The following TG variants were observed in gnomAD, a reference collection of about 807,000 sequenced individuals.
The protein encoded by TG is thyroid hormones.
In TG, 270 loss-of-function variants were observed where a neutral mutation model predicts 324.7. The ratio of observed to expected loss-of-function variants is 0.83; its 90% CI spans 0.75 to 0.92. The LOEUF is 0.92. Among genes scored for constraint, TG ranks in the 40% least tolerant of loss-of-function variants. The pLI is 0.00. For missense variants in TG, 3,591 were observed against 3,456.4 expected (o/e 1.04, Z -0.98); for synonymous variants, 1,401 against 1,327.0 (o/e 1.06, Z -1.21).
intron 41 of TG, chr8:133,048,862 C>A (rs1005741815): frequency 1.4e-4 from 26 of 184,278 alleles, no homozygotes; most frequent in Admixed American, 5.6e-5. Context: ...ATTAAACTCG[C>A]AGAATTCCAG....
At chr8:133,046,923 CAGAT>C (rs992334500) in intron 41 of TG, among the ~76,000 whole-genome samples, 1 of 152,214 alleles carries the variant, frequency 6.6e-6, no homozygotes, top group Non-Finnish European at 1.5e-5. Flanking sequence ...GAAGTACTCT[CAGAT>C]AGTGTGTTTT....
intron 21 of TG, among the ~76,000 whole-genome samples, chr8:132,921,942 G>A (rs904940128): frequency 3.3e-5 from 5 of 152,160 alleles, no homozygotes; most frequent in Non-Finnish European, 7.4e-5. Context: ...TCTCTGGGCT[G>A]CCATAAAATA....
chr8:133,047,986 AAGGC>A, intron 41 of TG: 1 of 1,149,224 alleles, frequency 8.7e-7, no homozygotes, highest in Non-Finnish European at 1.3e-6. Flanking sequence ...TCCCCCAGGA[AAGGC>A]AGGAATGCGC....
chr8:132,951,599 G>GT (rs957893628), intron 27 of TG, among the ~76,000 whole-genome samples: 2 of 152,100 alleles, frequency 1.3e-5, no homozygotes, highest in Non-Finnish European at 2.9e-5. Flanking sequence ...TGAAATGTTT[G>GT]TTTTTTTCAG....
chr8:132,881,061 A>G (rs1259163456), intron 5 of TG, among the ~76,000 whole-genome samples: 1 of 152,238 alleles, frequency 6.6e-6, no homozygotes, highest in East Asian at 1.9e-4. Flanking sequence ...TATATTAGTT[A>G]TATAGTTATA....
chr8:132,943,774 G>A (rs954669905), intron 26 of TG, among the ~76,000 whole-genome samples: 6 of 152,116 alleles, frequency 3.9e-5, no homozygotes, highest in African/African-American at 1.4e-4. Flanking sequence ...GTCACCAGGG[G>A]CATCTTCTGA....
At position 133,029,935 on chromosome 8, in the gene TG, C is replaced by G. The variant is rs1322445352; in HGVS notation, c.7151C>G (p.Ala2384Gly). The change falls in exon 41 of 48, where the codon GCA (alanine) becomes GGA (glycine). Residue 2384 changes from alanine (A) to glycine (G), a missense_variant. By Grantham distance (60) the Ala-to-Gly change is moderately conservative. Coordinates refer to ENST00000220616, the MANE Select transcript of TG (RefSeq NM_003235.5). ...GACCCTCGGCGCGTGTCCCTGGCAG[C>G]AGACCGTGGCGGGGCTGATGTGGCC... is the stretch of plus-strand genomic sequence containing the variant. ...GGDPRRVSLA[A>G]DRGGADVASI... The G allele has an allele frequency of 6.2e-7, 1 of 1,614,108 alleles. No individual in the cohort carries two copies. Among genetic ancestry groups the G allele is most frequent in the African/African-American group, 1.3e-5 (1 of 74,944 alleles).
chr8:133,052,944 T>G (rs1242668932), intron 41 of TG, among the ~76,000 whole-genome samples: 1 of 152,162 alleles, frequency 6.6e-6, no homozygotes, highest in African/African-American at 2.4e-5. Flanking sequence ...ACCTTCAAGA[T>G]GGAAATCTAT....
chr8:133,073,620 G>A (rs1564154582), intron 41 of TG, among the ~76,000 whole-genome samples: 1 of 152,102 alleles, frequency 6.6e-6, no homozygotes, highest in Non-Finnish European at 1.5e-5. Flanking sequence ...TCCACTTTTC[G>A]AAGGACCACA....
chr8:133,055,351 A>G (rs1564126140), intron 41 of TG, among the ~76,000 whole-genome samples: 57 of 82,088 alleles, frequency 6.9e-4, no homozygotes, highest in Non-Finnish European at 8.1e-4. Context: ...TTCAGGACAC[A>G]CACACGCACG....
chr8:133,052,303 C>G (rs1325143971), intron 41 of TG, among the ~76,000 whole-genome samples: 3 of 152,206 alleles, frequency 2.0e-5, no homozygotes. Context: ...CACGGTGGAA[C>G]AGTGCAGTCA....
intron 45 of TG, among the ~76,000 whole-genome samples, chr8:133,126,615 T>C (rs1283975078): frequency 1.3e-5 from 2 of 152,088 alleles, no homozygotes; most frequent in Non-Finnish European, 2.9e-5. Context: ...TCAGGGAGCT[T>C]ATTTTTAAAG....
intron 41 of TG, chr8:133,049,685 CT>C: frequency 1.8e-6 from 1 of 552,310 alleles, no homozygotes; most frequent in Non-Finnish European, 3.3e-6. Flanking sequence ...GTCCAACTTC[CT>C]TCATTTTACT....
chr8:132,992,135 G>T (rs1204061664), intron 35 of TG, among the ~76,000 whole-genome samples: 2 of 152,084 alleles, frequency 1.3e-5, no homozygotes, highest in Admixed American at 6.5e-5. Flanking sequence ...ACAAGCATTT[G>T]GTGGGTACCT....
At chr8:132,957,770 C>CACACACACACACACACAG (rs1554680156) in intron 27 of TG, among the ~76,000 whole-genome samples, 1 of 149,804 alleles carries the variant, frequency 6.7e-6, no homozygotes, top group Non-Finnish European at 1.5e-5. Flanking sequence ...CACACACACA[C>CACACACACACACACACAG]ACACACACAC....
chr8:132,923,821 G>A (rs924814938), intron 22 of TG, among the ~76,000 whole-genome samples: 9 of 151,982 alleles, frequency 5.9e-5, no homozygotes, highest in African/African-American at 2.2e-4. Flanking sequence ...ATCTGTGGAG[G>A]CCTCCATTCT....
At chr8:132,969,931 A>G (rs1829253421) in intron 32 of TG, among the ~76,000 whole-genome samples, 1 of 150,744 alleles carries the variant, frequency 6.6e-6, no homozygotes, top group South Asian at 2.1e-4. Flanking sequence ...AAAAAAAAAA[A>G]AAGCACAAAA....
intron 43 of TG, among the ~76,000 whole-genome samples, chr8:133,100,104 C>T (rs1447686359): frequency 6.6e-6 from 1 of 152,200 alleles, no homozygotes; most frequent in East Asian, 1.9e-4. Flanking sequence ...TCCTGCTGTT[C>T]CCTCTTGGCT....
In TG at chr8:132,966,464, CTCTGTGTG is replaced by C. The variant is rs1395450936; in HGVS notation, c.5549-94_5549-87del. 413 of 1,150,662 alleles carry C rather than the reference CTCTGTGTG, an allele frequency of 3.6e-4. 4 individuals are homozygous for C. In the South Asian group the frequency reaches 5.1e-3, roughly 14 times the overall value. The allele number at this position is 1,150,662 out of a possible 1,614,324, so 71.3% of individuals were successfully genotyped here. ...TGACACTTTCTCTCTCTGTCTCTCT[CTCTGTGTG>C]TGTGTGTGTGTGTGTTTCTTTCTTG... On this transcript the variant is annotated intron_variant, in intron 29 of 47. Coordinates refer to ENST00000220616, the MANE Select transcript of TG (RefSeq NM_003235.5).
Sources: gnomAD v4.1 joint callset for allele counts (sites outside exome capture counted in the v4.1 genomes callset) on GRCh38, gnomAD v4.1.1 for gene constraint, MANE v1.5 for transcripts, NCBI Gene and HGNC (gene_info 2026-07-23, HGNC 2026-07-21) for gene names.